MFSD8: variants seen among roughly 807,000 people sequenced by gnomAD.
MFSD8 encodes the protein major facilitator superfamily domain containing 8, also known as major facilitator superfamily domain-containing protein 8.
In MFSD8, 55 loss-of-function variants were observed where a neutral mutation model predicts 66.4. The observed-to-expected ratio is 0.83, with a 90% CI of 0.67 to 1.04. The LOEUF is 1.04. MFSD8 is among the 50% of genes least tolerant of loss of function. MFSD8 has a pLI of 0.00. For synonymous variants in MFSD8, 202 were observed against 212.8 expected (o/e 0.95, Z 0.44); for missense variants, 550 against 627.6 (o/e 0.88, Z 1.32).
Position 127,951,295 on chromosome 4 carries a change from T to A in MFSD8, c.155-1448A>T, listed in dbSNP as rs1741914399. On this transcript the variant is annotated intron_variant, in intron 2 of 11. Coordinates refer to ENST00000641686, the MANE Select transcript of MFSD8 (RefSeq NM_001371596.2). ...CCCAGGCTGGAGTGTAGTGACCCGA[T>A]CTCGGCTCACTGCAACCTCCGACTC... Among the ~76,000 whole-genome samples the A allele has an allele frequency of 2.0e-5, 3 of 152,142 alleles. No homozygotes were observed. The South Asian group carries it at 6.2e-4, about 32-fold the overall frequency.
intron 3 of MFSD8, 56 bp from the exon 4 acceptor site, chr4:127,944,048 AAATAC>A: frequency 6.2e-7 from 1 of 1,609,616 alleles, no homozygotes. Flanking sequence ...GTTTAAAACT[AAATAC>A]ATTTGTCATA....
At chr4:127,962,951 T>A (rs1318970077) in intron 1 of MFSD8, among the ~76,000 whole-genome samples, 2 of 152,236 alleles carry the variant, frequency 1.3e-5, no homozygotes, top group African/African-American at 2.4e-5. Flanking sequence ...AAAATTATTA[T>A]GGTCATAGAC....
At chr4:127,923,547 T>TTTTA (rs199806940) in intron 9 of MFSD8, among the ~76,000 whole-genome samples, 4,093 of 133,012 alleles carry the variant, frequency 0.031, 174 homozygotes, top group African/African-American at 0.098. Flanking sequence ...TATTTTTTAT[T>TTTTA]TTTATTTATT....
intron 3 of MFSD8, among the ~76,000 whole-genome samples, chr4:127,947,863 AAC>A (rs10648496): frequency 0.067 from 9,501 of 141,062 alleles, 355 homozygotes; most frequent in African/African-American, 0.11. Flanking sequence ...TGCACGTGTG[AAC>A]ACACACACAC....
intron 5 of MFSD8, among the ~76,000 whole-genome samples, chr4:127,940,579 A>C (rs2148910291): frequency 6.7e-6 from 1 of 148,810 alleles, no homozygotes; most frequent in East Asian, 2.0e-4. Context: ...TGACCATAGT[A>C]TTATATACAA....
rs1736143675 is a variant in MFSD8 at position 127,919,916 on chromosome 4, C to T, written c.*714G>A. ...GGCATTTGAAAGAAAGTAGGTATCC[C>T]TATTAGGCTAATAGGCAGTGAAGTA... is the stretch of plus-strand genomic sequence containing the variant. On this transcript the variant is annotated 3_prime_UTR_variant, in exon 12 of 12. Coordinates refer to ENST00000641686, the MANE Select transcript of MFSD8 (RefSeq NM_001371596.2). 1 of 152,118 alleles carries T rather than the reference C, an allele frequency of 6.6e-6. No homozygotes were observed. The highest frequency in any genetic ancestry group is 1.5e-5 in the Non-Finnish European group (1 of 68,062). The allele number at this position is 152,118 out of a possible 1,614,324, so 9.4% of individuals were successfully genotyped here.
intron 2 of MFSD8, among the ~76,000 whole-genome samples, chr4:127,955,192 C>T (rs1308885894): frequency 6.6e-6 from 1 of 152,164 alleles, no homozygotes; most frequent in Non-Finnish European, 1.5e-5. Context: ...ATATTGACAG[C>T]AGCACTATTC....
chr4:127,949,875 T>C (rs370538791), intron 2 of MFSD8, 28 bp from the exon 3 acceptor site: 3 of 1,578,102 alleles, frequency 1.9e-6, no homozygotes, highest in African/African-American at 1.4e-5. Flanking sequence ...AGGTTATTTA[T>C]ACTTATAATA....
At chr4:127,958,878 G>T (rs1446806339) in intron 1 of MFSD8, among the ~76,000 whole-genome samples, 1 of 152,084 alleles carries the variant, frequency 6.6e-6, no homozygotes, top group Non-Finnish European at 1.5e-5. Flanking sequence ...GATAAAATTA[G>T]AAAATAATAA....
chr4:127,949,491 T>C (rs1741589397), intron 3 of MFSD8, among the ~76,000 whole-genome samples: 1 of 152,226 alleles, frequency 6.6e-6, no homozygotes, highest in South Asian at 2.1e-4. Flanking sequence ...TCCTTTTTAT[T>C]AGGGAAGAGG....
intron 1 of MFSD8, among the ~76,000 whole-genome samples, chr4:127,958,211 C>T (rs775781337): frequency 6.6e-6 from 1 of 152,094 alleles, no homozygotes; most frequent in African/African-American, 2.4e-5. Flanking sequence ...TTTGGATAAG[C>T]GTCTGATCTG....
chr4:127,938,696 CA>C, intron 7 of MFSD8, 86 bp downstream of exon 7: 1 of 1,133,426 alleles, frequency 8.8e-7, no homozygotes, highest in Non-Finnish European at 1.3e-6. Flanking sequence ...TCCTCAGAAG[CA>C]AAATCGAAGT....
At position 127,938,603 on chromosome 4, in the gene MFSD8, AT is replaced by A. The variant is rs1560745005; in HGVS notation, c.754+179del. On this transcript the variant is annotated intron_variant, in intron 7 of 11. Transcript: ENST00000641686. ...GTCTCAAAAAAAAAAAAATAAATAA[AT>A]AAATAAATAAATAAATAAATAAATA... Among the ~76,000 whole-genome samples the A allele has an allele frequency of 1.2e-3, 168 of 138,576 alleles. 2 individuals carry two copies. Among genetic ancestry groups the A allele is most frequent in the African/African-American group, 4.4e-3 (157 of 35,492 alleles). The allele number at this position is 138,576 out of a possible 152,430, so 90.9% of individuals were successfully genotyped here.
chr4:127,938,231 G>A (rs1578877308), intron 7 of MFSD8, among the ~76,000 whole-genome samples: 1 of 152,000 alleles, frequency 6.6e-6, no homozygotes, highest in African/African-American at 2.4e-5. Flanking sequence ...ATAAGACAAA[G>A]CGATTTTTTA....
At chr4:127,950,363 A>C (rs1205290355) in intron 2 of MFSD8, among the ~76,000 whole-genome samples, 6 of 152,332 alleles carry the variant, frequency 3.9e-5, no homozygotes, top group Middle Eastern at 6.8e-3. Flanking sequence ...GAAAACTATA[A>C]TGATTAACTC....
Position 127,919,904 on chromosome 4 carries a change from A to G in MFSD8, c.*726T>C, listed in dbSNP as rs1405470574. On this transcript the variant is annotated 3_prime_UTR_variant, in exon 12 of 12. Transcript: ENST00000641686. ...ATGTGAATTTTTGGCATTTGAAAGA[A>G]AGTAGGTATCCCTATTAGGCTAATA... The G allele has an allele frequency of 6.6e-6, 1 of 152,164 alleles. No individual in the cohort carries two copies. Among genetic ancestry groups the G allele is most frequent in the Non-Finnish European group, 1.5e-5 (1 of 68,040 alleles). 9.4% of individuals were successfully genotyped at this position (152,164 alleles called of 1,614,324 possible). A position where few individuals can be genotyped will look rare whatever the true frequency, so the allele number is the denominator to read the frequency against.
chr4:127,936,244 GCTGGGATTACAGGCGC>G (rs1311501423), intron 7 of MFSD8, among the ~76,000 whole-genome samples: 2 of 152,000 alleles, frequency 1.3e-5, no homozygotes, highest in Non-Finnish European at 2.9e-5. Context: ...CTCATGAGTA[GCTGGGATTACAGGCGC>G]CTGCCATCAC....
At chr4:127,922,059 A>G in intron 9 of MFSD8, 96 bp from the exon 10 acceptor site, 1 of 1,117,078 alleles carries the variant, frequency 9.0e-7, no homozygotes, top group Non-Finnish European at 1.3e-6. Context: ...AATATCTTGT[A>G]CTTTTAGTGA....
chr4:127,940,146 ATGGGGGGTC>A, intron 5 of MFSD8, 149 bp from the exon 6 acceptor site: 1 of 772,974 alleles, frequency 1.3e-6, no homozygotes, highest in Admixed American at 2.7e-5. Flanking sequence ...TTGGTTCTTG[ATGGGGGGTC>A]AAAAAATTTC....
Sources: gnomAD v4.1 joint callset for allele counts (sites outside exome capture counted in the v4.1 genomes callset) on GRCh38, gnomAD v4.1.1 for gene constraint, MANE v1.5 for transcripts, NCBI Gene and HGNC (gene_info 2026-07-23, HGNC 2026-07-21) for gene names.